Variants in SLC39A11 observed in about 807,000 individuals in gnomAD.
SLC39A11 encodes zinc transporter ZIP11.
In SLC39A11, 33 loss-of-function variants were observed where a neutral mutation model predicts 36.1. That is an observed-to-expected ratio of 0.91 (90% CI 0.69 to 1.22). The LOEUF is 1.22. Ranked by LOEUF, SLC39A11 falls within the 50% of genes most tolerant of loss-of-function variation. The pLI, the probability that SLC39A11 is intolerant of heterozygous loss-of-function variation, is 0.00. For synonymous variants in SLC39A11, 166 were observed against 170.3 expected, an observed-to-expected ratio of 0.97 and a Z score of 0.20; for missense variants, 432 against 430.3, an observed-to-expected ratio of 1.00 and a Z score of -0.03.
chr17:73,026,812 C>A (rs1488685250), intron 4 of SLC39A11, among the ~76,000 whole-genome samples: 3 of 152,004 alleles, frequency 2.0e-5, no homozygotes, highest in African/African-American at 7.3e-5. Flanking sequence ...AGAAAAATCA[C>A]TGTTTTAAAC....
At chr17:72,836,927 G>A (rs190336926) in intron 6 of SLC39A11, among the ~76,000 whole-genome samples, 6 of 152,100 alleles carry the variant, frequency 3.9e-5, no homozygotes, top group African/African-American at 1.4e-4. Context: ...GTTGCATCAC[G>A]GTTTCTCCTG....
chr17:72,665,426 T>C (rs2070709595), intron 7 of SLC39A11, among the ~76,000 whole-genome samples: 1 of 127,940 alleles, frequency 7.8e-6, no homozygotes, highest in Non-Finnish European at 1.6e-5. Context: ...AGGGTCTTGC[T>C]GTTGCCCAGG....
At chr17:72,864,504 C>G (rs984350490) in intron 5 of SLC39A11, among the ~76,000 whole-genome samples, 1 of 152,060 alleles carries the variant, frequency 6.6e-6, no homozygotes, top group East Asian at 1.9e-4. Flanking sequence ...AAGGGTTAAC[C>G]GGGGTCCCCT....
chr17:72,969,495 C>G (rs1010115560), intron 4 of SLC39A11, among the ~76,000 whole-genome samples: 2 of 152,180 alleles, frequency 1.3e-5, no homozygotes, highest in Non-Finnish European at 2.9e-5. Context: ...GCCTTATGGA[C>G]ACCAACCAGG....
chr17:72,902,078 C>T (rs1323044391), intron 5 of SLC39A11, among the ~76,000 whole-genome samples: 1 of 152,012 alleles, frequency 6.6e-6, no homozygotes, highest in African/African-American at 2.4e-5. Context: ...TCGAGACCAG[C>T]CTGGCCAACA....
In SLC39A11 at chr17:72,836,997, A is replaced by G. The variant is rs115413100; in HGVS notation, c.601+12637T>C. The stretch of plus-strand genomic sequence containing the variant: ...CAGTCTTTACCCCAGGAAAATGAAA[A>G]ATCAACATGTTCTTTCTCATGGCTA... On this transcript the variant is annotated intron_variant, in intron 6 of 9. Coordinates refer to ENST00000255559, the MANE Select transcript of SLC39A11 (RefSeq NM_139177.4). 3.4e-3 allele frequency among the ~76,000 whole-genome samples: 511 copies of G among 152,212 alleles called. 4 individuals carry two copies. The highest frequency in any genetic ancestry group is 0.011 in the African/African-American group (475 of 41,510).
intron 3 of SLC39A11, among the ~76,000 whole-genome samples, chr17:73,032,081 G>T (rs1325904277): frequency 6.6e-6 from 1 of 152,148 alleles, no homozygotes; most frequent in East Asian, 1.9e-4. Flanking sequence ...GGGGGAGGTT[G>T]CTACTGGCAT....
intron 7 of SLC39A11, among the ~76,000 whole-genome samples, chr17:72,729,439 A>T (rs867717722): frequency 0.012 from 27 of 2,168 alleles, 2 homozygotes; most frequent in Admixed American, 0.033. Context: ...ATATATATAT[A>T]TATATATATA....
chr17:72,938,826 A>G (rs993200049), intron 5 of SLC39A11, among the ~76,000 whole-genome samples: 1 of 152,208 alleles, frequency 6.6e-6, no homozygotes, highest in Non-Finnish European at 1.5e-5. Flanking sequence ...GCTTATAAAT[A>G]TGATAGAACC....
At chr17:73,036,826 A>G (rs1179325397) in intron 3 of SLC39A11, among the ~76,000 whole-genome samples, 1 of 152,194 alleles carries the variant, frequency 6.6e-6, no homozygotes, top group East Asian at 1.9e-4. Context: ...TCATGTATCC[A>G]TCATTACTGT....
intron 3 of SLC39A11, among the ~76,000 whole-genome samples, chr17:73,050,108 G>A (rs1352429116): frequency 6.6e-6 from 1 of 152,084 alleles, no homozygotes; most frequent in Non-Finnish European, 1.5e-5. Flanking sequence ...GCAACAGAGT[G>A]AGACTGTCTC....
chr17:72,932,950 AC>A (rs1343281306), intron 5 of SLC39A11, among the ~76,000 whole-genome samples: 2 of 152,198 alleles, frequency 1.3e-5, no homozygotes, highest in Non-Finnish European at 2.9e-5. Context: ...AAATATGCAT[AC>A]CGTTCATCTA....
chr17:73,043,136 C>T (rs1568176583), intron 3 of SLC39A11, among the ~76,000 whole-genome samples: 2 of 152,096 alleles, frequency 1.3e-5, no homozygotes, highest in East Asian at 3.9e-4. Flanking sequence ...ATTTAAAAAG[C>T]AGAACATCAA....
At chr17:72,888,787 A>G (rs942992746) in intron 5 of SLC39A11, among the ~76,000 whole-genome samples, 2 of 152,178 alleles carry the variant, frequency 1.3e-5, no homozygotes, top group African/African-American at 4.8e-5. Context: ...CTGTAGTCTC[A>G]GCTACTTGGG....
intron 5 of SLC39A11, among the ~76,000 whole-genome samples, chr17:72,889,596 A>C (rs2081620600): frequency 6.6e-6 from 1 of 152,186 alleles, no homozygotes; most frequent in South Asian, 2.1e-4. Flanking sequence ...GACATTTCAC[A>C]AAACAATTTG....
chr17:73,003,447 G>A (rs112900965), intron 4 of SLC39A11, among the ~76,000 whole-genome samples: 1,834 of 152,228 alleles, frequency 0.012, 16 homozygotes, highest in East Asian at 0.021. Context: ...GGCACTGGTG[G>A]GCAGTAGACA....
At chr17:72,726,402 T>C (rs1172419890) in intron 7 of SLC39A11, among the ~76,000 whole-genome samples, 1 of 152,084 alleles carries the variant, frequency 6.6e-6, no homozygotes, top group Non-Finnish European at 1.5e-5. Flanking sequence ...TCCCAGCTAC[T>C]TGGGAGGCTG....
chr17:72,947,184 T>C lies in SLC39A11; in HGVS notation c.430+568A>G, dbSNP rs113499186. Among the ~76,000 whole-genome samples the C allele has an allele frequency of 5.3e-4, 81 of 152,180 alleles. 1 individual carries two copies. Among genetic ancestry groups the C allele is most frequent in the Middle Eastern group, 3.4e-3 (1 of 294 alleles). ...AAAAGTACAAAAAATTAGCCAGGCA[T>C]GGACCTGTAGTCCCAGCTACTTGAG... On this transcript the variant is annotated intron_variant, in intron 5 of 9. Transcript: ENST00000255559.
At chr17:72,737,689 G>A (rs1163415800) in intron 6 of SLC39A11, among the ~76,000 whole-genome samples, 1 of 152,126 alleles carries the variant, frequency 6.6e-6, no homozygotes, top group African/African-American at 2.4e-5. Context: ...AAAGTAGAAA[G>A]GTAGAAACCT....
Sources: gnomAD v4.1 joint callset for allele counts (sites outside exome capture counted in the v4.1 genomes callset) on GRCh38, gnomAD v4.1.1 for gene constraint, MANE v1.5 for transcripts, NCBI Gene and HGNC (gene_info 2026-07-23, HGNC 2026-07-21) for gene names.